Variants in NCAPD3 observed in about 807,000 individuals in gnomAD.
NCAPD3 encodes condensin-2 complex subunit D3.
In NCAPD3, 105 loss-of-function variants were observed where a neutral mutation model predicts 182.9. The observed-to-expected ratio is 0.57, with a 90% CI of 0.49 to 0.68. NCAPD3 has a LOEUF of 0.68. NCAPD3 is among the 30% of genes least tolerant of loss of function. The pLI is 0.00. For synonymous variants in NCAPD3, 815 were observed against 679.9 expected (o/e 1.20, Z -3.09); for missense variants, 1,944 against 1,837.0 (o/e 1.06, Z -1.07).
chr11:134,164,630 C>G (rs572606576), intron 27 of NCAPD3, among the ~76,000 whole-genome samples: 1 of 148,762 alleles, frequency 6.7e-6, no homozygotes, highest in African/African-American at 2.5e-5. Flanking sequence ...GTGACATGAG[C>G]TTGAGGGAGC....
At chr11:134,224,998 C>T, upstream of NCAPD3, 1 of 821,624 alleles carries the variant, frequency 1.2e-6, no homozygotes, top group Non-Finnish European at 1.6e-6. Context: ...GCGGCGGAGC[C>T]AGGCAGCCCC....
At chr11:134,217,220 C>T (rs2136029549) in intron 2 of NCAPD3, 122 bp from the exon 3 acceptor site, 1 of 801,334 alleles carries the variant, frequency 1.2e-6, no homozygotes, top group Non-Finnish European at 1.8e-6. Flanking sequence ...CTGGCTCCTA[C>T]TGCTAAATGT....
At chr11:134,176,520 C>T (rs1944171008) in intron 23 of NCAPD3, 134 bp from the exon 24 acceptor site, 5 of 700,662 alleles carry the variant, frequency 7.1e-6, no homozygotes, top group South Asian at 1.7e-5. Context: ...ACTTCCAAAC[C>T]GTCGGAATGT....
chr11:134,218,304 T>C (rs910588056), intron 2 of NCAPD3, among the ~76,000 whole-genome samples: 1 of 152,138 alleles, frequency 6.6e-6, no homozygotes, highest in African/African-American at 2.4e-5. Flanking sequence ...TCAGTGACCC[T>C]GCACTCCCTA....
chr11:134,151,088 A>T lies in NCAPD3; in HGVS notation c.*1856T>A, dbSNP rs185658193. ...AGGACTGAAGTGCTGTAAAGCAAGG[A>T]GCTGCTGAGAAGGAGCACTCCACTG... On this transcript the variant is annotated 3_prime_UTR_variant, in exon 35 of 35. Transcript: ENST00000534548. 192 of 152,380 alleles carry T rather than the reference A, an allele frequency of 1.3e-3. 2 individuals are homozygous for T. The highest frequency in any genetic ancestry group is 4.4e-3 in the African/African-American group (183 of 41,586). The allele number at this position is 152,380 out of a possible 1,614,324, so 9.4% of individuals were successfully genotyped here.
Position 134,153,748 on chromosome 11 carries a change from C to T in NCAPD3, c.4253-385G>A, listed in dbSNP as rs75287375. On this transcript the variant is annotated intron_variant, in intron 32 of 34. Coordinates refer to ENST00000534548, the MANE Select transcript of NCAPD3 (RefSeq NM_015261.3). ...GACACTTCAACTCCTTGCCTCTGCA[C>T]CTCCACGCGTGCCTGCTGGTTTCCA... 1,449 of 260,904 alleles carry T rather than the reference C, an allele frequency of 5.6e-3. 22 individuals carry two copies. The highest frequency in any genetic ancestry group is 0.03 in the African/African-American group (1,382 of 45,686). The allele number at this position is 260,904 out of a possible 1,614,324, so 16.2% of individuals were successfully genotyped here.
intron 32 of NCAPD3, 161 bp from the exon 33 acceptor site, chr11:134,153,524 G>A (rs1943324908): frequency 2.8e-6 from 2 of 713,814 alleles, no homozygotes; most frequent in Non-Finnish European, 2.5e-6. Flanking sequence ...AGTGTTGAGG[G>A]CCCCTCCTGG....
intron 3 of NCAPD3, among the ~76,000 whole-genome samples, chr11:134,210,785 G>A (rs1937805985): frequency 6.6e-6 from 1 of 152,194 alleles, no homozygotes; most frequent in Non-Finnish European, 1.5e-5. Context: ...CTGAAAAAAG[G>A]GAAACAGAGG....
At chr11:134,205,703 G>C (rs1937598825) in intron 8 of NCAPD3, among the ~76,000 whole-genome samples, 1 of 152,146 alleles carries the variant, frequency 6.6e-6, no homozygotes, top group Non-Finnish European at 1.5e-5. Flanking sequence ...ACAATGCCCA[G>C]ACTTGATCCA....
intron 16 of NCAPD3, among the ~76,000 whole-genome samples, chr11:134,191,220 G>T (rs1480762512): frequency 1.3e-5 from 2 of 152,068 alleles, no homozygotes; most frequent in African/African-American, 4.8e-5. Flanking sequence ...TCTCCTTAAA[G>T]ACCTCTGAAA....
At chr11:134,179,413 T>C (rs189775672) in intron 20 of NCAPD3, among the ~76,000 whole-genome samples, 1 of 152,382 alleles carries the variant, frequency 6.6e-6, no homozygotes, top group East Asian at 1.9e-4. Context: ...AGGCATCGTT[T>C]CATGTCAATA....
intron 3 of NCAPD3, among the ~76,000 whole-genome samples, chr11:134,212,909 G>A (rs149296808): frequency 1.4e-4 from 22 of 152,020 alleles, no homozygotes; most frequent in African/African-American, 5.3e-4. Context: ...CAAAAAACAG[G>A]TTTAAAGAAA....
At chr11:134,185,225 CAGA>C in intron 17 of NCAPD3, 107 bp downstream of exon 17, 2 of 1,046,980 alleles carry the variant, frequency 1.9e-6, no homozygotes, top group South Asian at 3.3e-5. Context: ...AGGTTTTAAA[CAGA>C]AGGTCTCTGT....
At chr11:134,206,569 G>A in intron 8 of NCAPD3, 30 bp downstream of exon 8, 5 of 1,612,006 alleles carry the variant, frequency 3.1e-6, no homozygotes, top group Middle Eastern at 3.3e-4. Context: ...GAGACTGACA[G>A]GGTGAAAATT....
At chr11:134,164,244 C>T (rs1943687268) in intron 27 of NCAPD3, among the ~76,000 whole-genome samples, 1 of 152,210 alleles carries the variant, frequency 6.6e-6, no homozygotes, top group South Asian at 2.1e-4. Context: ...CAGCCTGACA[C>T]ACCAGACTCC....
chr11:134,175,540 A>G (rs1185242571), intron 24 of NCAPD3, among the ~76,000 whole-genome samples: 2 of 152,220 alleles, frequency 1.3e-5, no homozygotes, highest in African/African-American at 4.8e-5. Context: ...ATTGGTGGCT[A>G]TATTTAGATC....
At chr11:134,203,290 C>CAAA (rs1320439266) in intron 11 of NCAPD3, 92 bp from the exon 12 acceptor site, 2 of 953,898 alleles carry the variant, frequency 2.1e-6, no homozygotes, top group Admixed American at 4.2e-5. Flanking sequence ...TAATTAGGCT[C>CAAA]AAAGACAAGG....
intron 25 of NCAPD3, 142 bp from the exon 26 acceptor site, chr11:134,168,744 G>A (rs1943932838): frequency 7.3e-7 from 1 of 1,365,572 alleles, no homozygotes; most frequent in Non-Finnish European, 1.0e-6. Flanking sequence ...CACAGGCGCT[G>A]CCCTTAGGAA....
chr11:134,194,613 AT>A, intron 14 of NCAPD3, 51 bp downstream of exon 14: 1 of 1,324,504 alleles, frequency 7.5e-7, no homozygotes, highest in South Asian at 1.3e-5. Context: ...ATTCCTTTGC[AT>A]TTCCAAGTTT....
Sources: allele counts gnomAD v4.1 joint callset (sites outside exome capture counted in the v4.1 genomes callset), GRCh38; gene constraint gnomAD v4.1.1; transcripts MANE v1.5; gene names NCBI Gene and HGNC (gene_info 2026-07-23, HGNC 2026-07-21).